RGS7: variants seen among roughly 807,000 people sequenced by gnomAD.
RGS7 encodes the protein regulator of G-protein signaling 7.
In RGS7, 27 loss-of-function variants were observed where a neutral mutation model predicts 81.1. The observed-to-expected ratio is 0.33, with a 90% confidence interval of 0.25 to 0.46. The LOEUF is 0.46. RGS7 is among the 20% of genes least tolerant of loss of function. The probability of loss-of-function intolerance (pLI) is 1.00; values close to 1 mark genes in which losing one functional copy is unlikely to be tolerated. For synonymous variants in RGS7, 208 were observed against 207.7 expected (o/e 1.00, Z -0.01); for missense variants, 396 against 607.4 (o/e 0.65, Z 3.66).
chr1:241,232,192 T>TTCTC (rs111426330), intron 2 of RGS7, among the ~76,000 whole-genome samples: 17,027 of 148,996 alleles, frequency 0.11, 1,104 homozygotes, highest in Admixed American at 0.19. Flanking sequence ...TATATGTCTA[T>TTCTC]TCTCTCTCTC....
intron 2 of RGS7, among the ~76,000 whole-genome samples, chr1:241,296,415 C>T (rs547167147): frequency 6.6e-6 from 1 of 152,102 alleles, no homozygotes; most frequent in Non-Finnish European, 1.5e-5. Flanking sequence ...CAAGTCGCTA[C>T]TGGAAATAGT....
chr1:241,356,030 T>C (rs574002427), intron 1 of RGS7, among the ~76,000 whole-genome samples: 1 of 152,348 alleles, frequency 6.6e-6, no homozygotes, highest in African/African-American at 2.4e-5. Flanking sequence ...ATCTTCCAGG[T>C]AGAAATAGCC....
rs185820529 is a variant in RGS7, at chr1:241,279,649, A to C, written c.78+76050T>G. Among the ~76,000 whole-genome samples the C allele has an allele frequency of 6.6e-5, 10 of 152,318 alleles. No homozygotes were observed. The East Asian group carries it at 1.9e-3, about 29-fold the overall frequency. On this transcript the variant is annotated intron_variant, in intron 2 of 18. Coordinates refer to ENST00000440928, the MANE Select transcript of RGS7 (RefSeq NM_001364886.1). ...GGATGCTGAAATTGGCATAGTGAAG[A>C]GAATTTTTCCATTACTACAAAGATC... is the stretch of plus-strand genomic sequence containing the variant.
At chr1:241,249,893 T>C (rs540536983) in intron 2 of RGS7, among the ~76,000 whole-genome samples, 62 of 152,186 alleles carry the variant, frequency 4.1e-4, no homozygotes, top group Admixed American at 1.7e-3. Context: ...GAATTTCATG[T>C]GGCAGTTAAC....
intron 18 of RGS7, among the ~76,000 whole-genome samples, chr1:240,777,559 T>C (rs941250404): frequency 1.3e-5 from 2 of 152,322 alleles, no homozygotes; most frequent in South Asian, 4.1e-4. Flanking sequence ...CTCATGGCCA[T>C]TGCCTTAGTC....
At chr1:240,821,138 G>A (rs146273583) in intron 10 of RGS7, among the ~76,000 whole-genome samples, 154 of 152,210 alleles carry the variant, frequency 1.0e-3, no homozygotes, top group African/African-American at 3.6e-3. Flanking sequence ...CTGCCACAAG[G>A]TTTCAGACCA....
chr1:240,882,702 G>T (rs1276670745), intron 6 of RGS7, among the ~76,000 whole-genome samples: 1 of 152,030 alleles, frequency 6.6e-6, no homozygotes, highest in Non-Finnish European at 1.5e-5. Context: ...TTTTCTTGGG[G>T]TCCATTTTTT....
At chr1:240,963,125 G>T (rs1451128971) in intron 4 of RGS7, among the ~76,000 whole-genome samples, 2 of 152,160 alleles carry the variant, frequency 1.3e-5, no homozygotes, top group African/African-American at 4.8e-5. Flanking sequence ...TGTGTTGATG[G>T]TTGGAATGAG....
intron 2 of RGS7, among the ~76,000 whole-genome samples, chr1:241,243,616 A>C (rs979619646): frequency 1.3e-5 from 2 of 152,202 alleles, no homozygotes; most frequent in African/African-American, 4.8e-5. Flanking sequence ...TTACTTGAGC[A>C]ACTAAATCCT....
intron 2 of RGS7, among the ~76,000 whole-genome samples, chr1:241,223,954 A>C (rs2075161359): frequency 6.6e-6 from 1 of 151,466 alleles, no homozygotes; most frequent in South Asian, 2.1e-4. Flanking sequence ...ATGGTCATTA[A>C]GGTCCATTCT....
chr1:240,970,973 C>T (rs7532819), intron 4 of RGS7, among the ~76,000 whole-genome samples: 5,019 of 151,942 alleles, frequency 0.033, 254 homozygotes, highest in African/African-American at 0.11. Flanking sequence ...AGGGAGATTC[C>T]GTCTCAAAAC....
chr1:241,163,485 C>G lies in RGS7; in HGVS notation c.79-64723G>C, dbSNP rs1489866237. ...ATGTAGCCAGGCTTTCTCCAAGGGC[C>G]TCCCCTGTCCTCTTCCAGATCTAGG... On this transcript the variant is annotated intron_variant, in intron 2 of 18. Transcript: ENST00000440928. This position sits in a 1 kb window ranked among gnomAD's most constrained non-coding sequence, Gnocchi z 4.6. Among the ~76,000 whole-genome samples the G allele has an allele frequency of 6.6e-6, 1 of 152,144 alleles. No individual in the cohort carries two copies. Among genetic ancestry groups the G allele is most frequent in the Non-Finnish European group, 1.5e-5 (1 of 68,030 alleles).
intron 4 of RGS7, among the ~76,000 whole-genome samples, chr1:240,959,063 T>C (rs1558525166): frequency 6.6e-6 from 1 of 152,252 alleles, no homozygotes; most frequent in Non-Finnish European, 1.5e-5. Context: ...TAAATTTAAC[T>C]TTAAAATAAA....
intron 2 of RGS7, among the ~76,000 whole-genome samples, chr1:241,286,459 G>A (rs947131364): frequency 2.3e-4 from 35 of 152,054 alleles, no homozygotes; most frequent in African/African-American, 7.2e-4. Flanking sequence ...CAGAAACACC[G>A]CTAAGAATTC....
chr1:240,811,156 A>C (rs1689782574), intron 14 of RGS7, among the ~76,000 whole-genome samples: 1 of 152,228 alleles, frequency 6.6e-6, no homozygotes, highest in South Asian at 2.1e-4. Context: ...GTCATGGAAA[A>C]GTAAAAATTG....
chr1:241,212,501 T>C (rs1478282681), intron 2 of RGS7, among the ~76,000 whole-genome samples: 1 of 152,152 alleles, frequency 6.6e-6, no homozygotes, highest in East Asian at 1.9e-4. Flanking sequence ...GTGGTGTGAA[T>C]AAAAGCTGAA....
At chr1:241,328,140 C>T (rs1308673023) in intron 2 of RGS7, among the ~76,000 whole-genome samples, 6 of 152,054 alleles carry the variant, frequency 3.9e-5, no homozygotes, top group African/African-American at 4.8e-5. Context: ...GGTGGATGCT[C>T]TTAAGGACTG....
chr1:240,793,611 A>ATATATATATTTTTT, intron 18 of RGS7, among the ~76,000 whole-genome samples: 2 of 78,812 alleles, frequency 2.5e-5, no homozygotes, highest in Admixed American at 1.5e-4. Flanking sequence ...ATATATATAT[A>ATATATATATTTTTT]TTTTTTTTTT....
intron 2 of RGS7, among the ~76,000 whole-genome samples, chr1:241,180,793 C>T (rs6667456): frequency 0.4 from 60,922 of 152,024 alleles, 12,779 homozygotes; most frequent in Middle Eastern, 0.46. Context: ...CAGCAGCGCA[C>T]GGGAGTCAAG....
Sources: allele counts gnomAD v4.1 joint callset (sites outside exome capture counted in the v4.1 genomes callset), GRCh38; gene constraint gnomAD v4.1.1; non-coding constraint Gnocchi (gnomAD v3.1); transcripts MANE v1.5; gene names NCBI Gene and HGNC (gene_info 2026-07-23, HGNC 2026-07-21).